Variants in DOCK2 observed in about 807,000 individuals in gnomAD.
DOCK2 encodes the protein dedicator of cytokinesis 2, also known as dedicator of cytokinesis protein 2.
DOCK2 carries 87 observed loss-of-function variants against 248.9 expected under a neutral mutation model. The observed-to-expected ratio is 0.35, with a 90% CI of 0.29 to 0.42. DOCK2 has a LOEUF of 0.42. Among genes scored for constraint, DOCK2 ranks in the 10% least tolerant of loss-of-function variants. The pLI is 1.00. For missense variants in DOCK2, 1,747 were observed against 2,300.2 expected (o/e 0.76, Z 4.92); for synonymous variants, 805 against 821.6 (o/e 0.98, Z 0.35).
chr5:169,775,508 A>G (rs1242590184), intron 25 of DOCK2, among the ~76,000 whole-genome samples: 2 of 152,158 alleles, frequency 1.3e-5, no homozygotes, highest in African/African-American at 4.8e-5. Flanking sequence ...AAAACAGACA[A>G]AACCTACAGA....
intron 44 of DOCK2, among the ~76,000 whole-genome samples, chr5:170,059,326 T>C (rs947042040): frequency 6.6e-6 from 1 of 152,102 alleles, no homozygotes; most frequent in Non-Finnish European, 1.5e-5. Flanking sequence ...CCCAGTGAGG[T>C]ACATACTATT....
intron 19 of DOCK2, among the ~76,000 whole-genome samples, chr5:169,715,238 T>C (rs982018958): frequency 6.6e-6 from 1 of 152,224 alleles, no homozygotes. Context: ...TCCAGCCTTA[T>C]GAATTGGGAC....
chr5:169,848,233 G>C (rs546108443), intron 27 of DOCK2, among the ~76,000 whole-genome samples: 1 of 152,206 alleles, frequency 6.6e-6, no homozygotes, highest in Non-Finnish European at 1.5e-5. Context: ...TCACACACAG[G>C]TAGGCAATAT....
chr5:169,991,601 C>T (rs759408947), intron 29 of DOCK2, among the ~76,000 whole-genome samples: 1 of 152,242 alleles, frequency 6.6e-6, no homozygotes, highest in Non-Finnish European at 1.5e-5. Context: ...CCAGCCCATA[C>T]AAGACTGCTT....
rs970374123 is a variant in DOCK2, at chr5:169,658,218, T to G, written c.127+3732T>G. ...ATACAAATAAGATTAAATAAAATTT[T>G]TATTTATATCCCAGCACTTTGGGAG... On this transcript the variant is annotated intron_variant, in intron 2 of 51. Transcript: ENST00000520908. Among the ~76,000 whole-genome samples the G allele has an allele frequency of 5.9e-5, 9 of 152,250 alleles. 1 individual carries two copies. Among genetic ancestry groups the G allele is most frequent in the African/African-American group, 2.2e-4 (9 of 41,570 alleles).
intron 44 of DOCK2, 49 bp downstream of exon 44, chr5:170,057,715 G>A: frequency 6.7e-7 from 1 of 1,501,944 alleles, no homozygotes; most frequent in Non-Finnish European, 9.0e-7. Context: ...CGATGGGCAG[G>A]GCACAGCCAG....
chr5:169,757,168 C>T (rs931427767), intron 23 of DOCK2, among the ~76,000 whole-genome samples: 1 of 152,096 alleles, frequency 6.6e-6, no homozygotes, highest in Non-Finnish European at 1.5e-5. Flanking sequence ...CTTCCCACTG[C>T]CCTGTCCTCA....
chr5:169,855,011 G>A (rs1045424092), intron 27 of DOCK2, among the ~76,000 whole-genome samples: 2 of 152,182 alleles, frequency 1.3e-5, no homozygotes, highest in African/African-American at 4.8e-5. Context: ...GTCTGGCATC[G>A]GAGTTAGGAG....
chr5:169,716,771 C>T (rs1301251926), intron 20 of DOCK2, among the ~76,000 whole-genome samples: 1 of 152,150 alleles, frequency 6.6e-6, no homozygotes, highest in African/African-American at 2.4e-5. Context: ...TTCTTTTAGT[C>T]CTCCCCTATG....
At chr5:169,867,301 T>A (rs1441290809) in intron 27 of DOCK2, among the ~76,000 whole-genome samples, 3 of 152,166 alleles carry the variant, frequency 2.0e-5, no homozygotes, top group Non-Finnish European at 4.4e-5. Context: ...GAAAGAGACT[T>A]TGTTTCCTGA....
At chr5:169,685,633 G>A (rs532139632) in intron 8 of DOCK2, among the ~76,000 whole-genome samples, 1 of 152,332 alleles carries the variant, frequency 6.6e-6, no homozygotes, top group East Asian at 1.9e-4. Flanking sequence ...TTGTTATGAT[G>A]ATTAAATGAA....
chr5:170,045,980 G>A (rs1242131739), intron 39 of DOCK2, 75 bp downstream of exon 39: 26 of 1,437,836 alleles, frequency 1.8e-5, no homozygotes, highest in Non-Finnish European at 2.5e-5. Context: ...CAGATCCTGG[G>A]GAGATGGGCA....
At chr5:170,048,805 A>T (rs1235008736) in intron 40 of DOCK2, among the ~76,000 whole-genome samples, 1 of 152,166 alleles carries the variant, frequency 6.6e-6, no homozygotes, top group Non-Finnish European at 1.5e-5. Flanking sequence ...CACGTGACGA[A>T]TTGGATTAGG....
At chr5:170,069,069 T>C in intron 45 of DOCK2, 68 bp from the exon 46 acceptor site, 1 of 1,422,514 alleles carries the variant, frequency 7.0e-7, no homozygotes, top group Non-Finnish European at 9.8e-7. Context: ...CTTCTCCCAG[T>C]GCCAAAGAGA....
intron 27 of DOCK2, among the ~76,000 whole-genome samples, chr5:169,964,825 T>C (rs956601318): frequency 6.6e-6 from 1 of 152,232 alleles, no homozygotes; most frequent in Non-Finnish European, 1.5e-5. Flanking sequence ...CTTCTCAATG[T>C]TGCTTGGAGG....
chr5:169,749,933 A>G (rs1763811986), intron 23 of DOCK2, among the ~76,000 whole-genome samples: 1 of 152,220 alleles, frequency 6.6e-6, no homozygotes. Context: ...CAGCCACTGC[A>G]TCTGTATCAC....
rs184632847 is a variant in DOCK2 at position 170,041,137 on chromosome 5, C to T, written c.3748C>T (p.Leu1250Phe). ...CTACACGCTCCTTCTCCACACCTGGCTTCTCAAGGTACAGTCACTTTGGGT... is the reference window on the plus strand; with the variant it reads ...CTACACGCTCCTTCTCCACACCTGGTTTCTCAAGGTACAGTCACTTTGGGT... ...AAYTLLLHTW[L>F]LKWSDEQCAS... Residue 1250 changes from leucine to phenylalanine, a missense_variant, in exon 37 of 52, where the codon CTT becomes TTT. Leu to Phe is a conservative substitution (Grantham distance 22). This residue lies in a region of DOCK2 where 858 missense variants were observed against 1,183.5 expected (regional missense o/e 0.72). Transcript: ENST00000520908. The T allele has an allele frequency of 6.2e-7, 1 of 1,613,868 alleles. No individual in the cohort carries two copies. The highest frequency in any genetic ancestry group is 8.5e-7 in the Non-Finnish European group (1 of 1,179,758).
chr5:169,639,650 T>C (rs540100680), intron 1 of DOCK2, among the ~76,000 whole-genome samples: 1 of 152,308 alleles, frequency 6.6e-6, no homozygotes, highest in East Asian at 1.9e-4. Context: ...GCTTTTCCCT[T>C]TAAAGACATT....
chr5:169,978,842 G>A (rs1032627164), intron 27 of DOCK2, among the ~76,000 whole-genome samples: 17 of 152,098 alleles, frequency 1.1e-4, no homozygotes, highest in Admixed American at 3.3e-4. Flanking sequence ...ATTTTTACAC[G>A]TTTGACCTAG....
Sources: allele counts gnomAD v4.1 joint callset (sites outside exome capture counted in the v4.1 genomes callset), GRCh38; gene constraint gnomAD v4.1.1; regional missense constraint gnomAD v4.1.1; transcripts MANE v1.5; gene names NCBI Gene and HGNC (gene_info 2026-07-23, HGNC 2026-07-21).